ENTREP2: variants seen among roughly 807,000 people sequenced by gnomAD.
ENTREP2 encodes the protein protein ENTREP2.
the ENTREP2 span, among the ~76,000 whole-genome samples, chr15:29,506,210 G>C: frequency 6.4e-4 from 97 of 152,182 alleles, no homozygotes; most frequent in African/African-American, 2.3e-3. Flanking sequence ...CAAGATTAGA[G>C]AAAAAAGAAT....
At chr15:29,630,143 A>T in the ENTREP2 span, among the ~76,000 whole-genome samples, 2 of 152,040 alleles carry the variant, frequency 1.3e-5, no homozygotes, top group Non-Finnish European at 2.9e-5. Flanking sequence ...AATAAATAAA[A>T]TTTTTAAAAA....
chr15:29,573,400 G>A, the ENTREP2 span, among the ~76,000 whole-genome samples: 1 of 152,122 alleles, frequency 6.6e-6, no homozygotes, highest in Non-Finnish European at 1.5e-5. Flanking sequence ...CATGAATAAG[G>A]CAGCCCTCAG....
chr15:29,529,272 T>C, the ENTREP2 span, among the ~76,000 whole-genome samples: 1 of 67,722 alleles, frequency 1.5e-5, no homozygotes, highest in African/African-American at 5.7e-5. Context: ...GAGGGGTGTG[T>C]GGTAGCTAAT....
chr15:29,507,947 A>T, the ENTREP2 span, among the ~76,000 whole-genome samples: 1 of 152,194 alleles, frequency 6.6e-6, no homozygotes, highest in South Asian at 2.1e-4. Flanking sequence ...CCCTTCAAAA[A>T]ATCAGTGAAT....
chr15:29,176,574 G>C, the ENTREP2 span, among the ~76,000 whole-genome samples: 4 of 152,196 alleles, frequency 2.6e-5, no homozygotes, highest in Non-Finnish European at 5.9e-5. Flanking sequence ...CCCTTTGCCA[G>C]AGAAGCCCCC....
At chr15:29,189,330 G>A in the ENTREP2 span, among the ~76,000 whole-genome samples, 61 of 152,154 alleles carry the variant, frequency 4.0e-4, no homozygotes, top group African/African-American at 1.4e-3. Context: ...GAATGGTTTG[G>A]TGTATGGGGG....
the ENTREP2 span, among the ~76,000 whole-genome samples, chr15:29,524,564 G>C: frequency 6.6e-6 from 1 of 152,206 alleles, no homozygotes; most frequent in African/African-American, 2.4e-5. Flanking sequence ...CGTAGGTCAC[G>C]GAAGAGAACC....
the ENTREP2 span, among the ~76,000 whole-genome samples, chr15:29,328,809 T>C: frequency 3.9e-5 from 6 of 152,192 alleles, no homozygotes; most frequent in Admixed American, 6.5e-5. Context: ...TATGAACTCA[T>C]GTTTAGCTTA....
At chr15:29,139,270 G>A in the ENTREP2 span, among the ~76,000 whole-genome samples, 1 of 152,182 alleles carries the variant, frequency 6.6e-6, no homozygotes, top group Non-Finnish European at 1.5e-5. Flanking sequence ...CTAACACACG[G>A]AGCACACTCC....
chr15:29,148,594 G>A, the ENTREP2 span, among the ~76,000 whole-genome samples: 1 of 152,086 alleles, frequency 6.6e-6, no homozygotes, highest in Non-Finnish European at 1.5e-5. Flanking sequence ...TTATATTTTT[G>A]TTGTTGTTTT....
At chr15:29,520,278 AACAAAAATAAT>A in the ENTREP2 span, among the ~76,000 whole-genome samples, 1 of 152,224 alleles carries the variant, frequency 6.6e-6, no homozygotes, top group South Asian at 2.1e-4. Flanking sequence ...GTTATTGAAG[AACAAAAATAAT>A]ATTCTCCATA....
the ENTREP2 span, among the ~76,000 whole-genome samples, chr15:29,543,169 G>A: frequency 6.6e-6 from 1 of 152,152 alleles, no homozygotes; most frequent in African/African-American, 2.4e-5. Context: ...TTAGTCACAT[G>A]TGATTTACAA....
At chr15:29,269,674 G>C in the ENTREP2 span, 10 of 1,558,372 alleles carry the variant, frequency 6.4e-6, no homozygotes, top group Middle Eastern at 1.7e-4. Flanking sequence ...CTGGCCGCCA[G>C]AGCGGCCCCG....
chr15:29,388,177 C>T, the ENTREP2 span, among the ~76,000 whole-genome samples: 3 of 152,174 alleles, frequency 2.0e-5, no homozygotes, highest in African/African-American at 7.2e-5. Flanking sequence ...TCAGAGTGAA[C>T]AGGCAACCTA....
At chr15:29,309,018 A>G in the ENTREP2 span, among the ~76,000 whole-genome samples, 1 of 152,248 alleles carries the variant, frequency 6.6e-6, no homozygotes, top group African/African-American at 2.4e-5. Context: ...GTGTTTTGCT[A>G]CTTCTCTGGG....
the ENTREP2 span, among the ~76,000 whole-genome samples, chr15:29,130,271 C>T: frequency 6.6e-6 from 1 of 152,214 alleles, no homozygotes; most frequent in African/African-American, 2.4e-5. Context: ...TTCCTTAGCC[C>T]TCTCATTCTG....
the ENTREP2 span, among the ~76,000 whole-genome samples, chr15:29,345,911 C>T: frequency 6.6e-6 from 1 of 152,212 alleles, no homozygotes; most frequent in Non-Finnish European, 1.5e-5. Flanking sequence ...ACATTTATTA[C>T]CTGCCAGACA....
the ENTREP2 span, among the ~76,000 whole-genome samples, chr15:29,172,119 G>T: frequency 5.9e-5 from 9 of 152,136 alleles, no homozygotes; most frequent in Admixed American, 4.6e-4. Context: ...AAGCCAACTA[G>T]ATTTGAGCCT....
chr15:29,328,931 C>G, the ENTREP2 span, among the ~76,000 whole-genome samples: 2 of 152,172 alleles, frequency 1.3e-5, no homozygotes, highest in African/African-American at 2.4e-5. Flanking sequence ...ATACCCTATT[C>G]TAATACCCCT....
Sources: gnomAD v4.1 joint callset for allele counts (sites outside exome capture counted in the v4.1 genomes callset) on GRCh38, gnomAD v4.1.1 for gene constraint, MANE v1.5 for transcripts, NCBI Gene and HGNC (gene_info 2026-07-23, HGNC 2026-07-21) for gene names.